Variants in FOXP4 observed in about 807,000 individuals in gnomAD.
The protein encoded by FOXP4 is forkhead box P4.
FOXP4 carries 25 observed loss-of-function variants against 82.6 expected under a neutral mutation model. The observed-to-expected ratio is 0.30, with a 90% CI of 0.22 to 0.42. The LOEUF (loss-of-function observed/expected upper bound fraction) is 0.42. FOXP4 is among the 10% of genes least tolerant of loss of function. The pLI is 1.00. For missense variants in FOXP4, 785 were observed against 900.9 expected, an observed-to-expected ratio of 0.87 and a Z score of 1.65; for synonymous variants, 415 against 388.2, an observed-to-expected ratio of 1.07 and a Z score of -0.81.
At chr6:41,594,553 G>A (rs560778181) in intron 13 of FOXP4, among the ~76,000 whole-genome samples, 19 of 152,238 alleles carry the variant, frequency 1.2e-4, no homozygotes, top group Non-Finnish European at 2.8e-4. Flanking sequence ...TAACGAAGAT[G>A]ATGAAACAGA....
chr6:41,589,791 G>T lies in FOXP4; in HGVS notation c.1086G>T (p.Arg362=). The T allele has an allele frequency of 6.2e-7, 1 of 1,611,118 alleles. No homozygotes were observed. Residue 362 remains arginine (R), a synonymous_variant, in exon 10 of 17, where the codon CGG becomes CGT. Transcript: ENST00000307972. Reference sequence around the variant, plus strand: ...CACAGCTCGCCAAGGAGAGCGAGCGGCTGCAGGCCATGATGGCCCACCTGC... The same window carrying T: ...CACAGCTCGCCAAGGAGAGCGAGCGTCTGCAGGCCATGATGGCCCACCTGC... ...LEIQLAKESE[R]LQAMMAHLHM...
chr6:41,594,872 C>A lies in FOXP4; in HGVS notation c.1539C>A (p.Asn513Lys). ...GCTCCTCTTCACTGCACCCACAGAACGCCGTGCGCCACAACCTCAGCCTGC... is the reference window on the plus strand; with the variant it reads ...GCTCCTCTTCACTGCACCCACAGAAAGCCGTGCGCCACAACCTCAGCCTGC... ...YFRRNTATWK[N>K]AVRHNLSLHK... is the part of the protein sequence containing the mutation. Residue 513 changes from asparagine to lysine, a missense_variant and splice_region_variant, in exon 14 of 17, where the codon AAC becomes AAA. This residue lies in a region of FOXP4 where 31 missense variants were observed against 79.6 expected (regional missense o/e 0.39). Transcript: ENST00000307972. 6.2e-7 allele frequency: 1 copy of A among 1,613,992 alleles called. No individual in the cohort carries two copies. The highest frequency in any genetic ancestry group is 8.5e-7 in the Non-Finnish European group (1 of 1,180,030).
chr6:41,575,399 A>G (rs1212964352), intron 2 of FOXP4, among the ~76,000 whole-genome samples: 1 of 152,092 alleles, frequency 6.6e-6, no homozygotes, highest in African/African-American at 2.4e-5. Flanking sequence ...TACTTCATAG[A>G]TGTGAGAAGA....
intron 1 of FOXP4, among the ~76,000 whole-genome samples, chr6:41,547,852 C>T (rs1216868095): frequency 6.6e-6 from 1 of 151,680 alleles, no homozygotes; most frequent in Non-Finnish European, 1.5e-5. Context: ...GGCGGCGCTT[C>T]AGCCTCGGGC....
rs577831671 is a variant in FOXP4 at position 41,597,667 on chromosome 6, G to A, written c.1726-114G>A. The A allele has an allele frequency of 6.1e-5, 82 of 1,337,868 alleles. No homozygotes were observed. The East Asian group carries it at 1.9e-3, about 31-fold the overall frequency. 82.9% of individuals were successfully genotyped at this position (1,337,868 alleles called of 1,614,324 possible). On this transcript the variant is annotated intron_variant, in intron 15 of 16. Transcript: ENST00000307972. ...TTGCCCAGACAGATCCGCCCGTGGG[G>A]CCAGTAGGCAGACACACAGGCAGCT...
At chr6:41,582,744 G>A (rs1347032274) in intron 3 of FOXP4, among the ~76,000 whole-genome samples, 2 of 152,104 alleles carry the variant, frequency 1.3e-5, no homozygotes, top group South Asian at 2.1e-4. Flanking sequence ...ATCCACCCCT[G>A]CAGCCTGGCT....
chr6:41,583,584 T>G (rs982427997), intron 3 of FOXP4, among the ~76,000 whole-genome samples: 1 of 152,144 alleles, frequency 6.6e-6, no homozygotes, highest in Non-Finnish European at 1.5e-5. Flanking sequence ...TAACACTTAG[T>G]GTACCTACCA....
At chr6:41,552,721 TG>T (rs1189633524) in intron 1 of FOXP4, among the ~76,000 whole-genome samples, 1 of 152,064 alleles carries the variant, frequency 6.6e-6, no homozygotes, top group African/African-American at 2.4e-5. Context: ...GGCCGGCAGC[TG>T]GGGATCCGGA....
rs1766947655 is a variant in FOXP4, at chr6:41,597,832, A to T, written c.1777A>T (p.Asn593Tyr). The change falls in exon 16 of 17, where the codon AAC becomes TAC. Residue 593 changes from asparagine (N) to tyrosine (Y), a missense_variant. Coordinates refer to ENST00000307972, the MANE Select transcript of FOXP4 (RefSeq NM_001012426.2). ...CCTCCTCAACAGCCCTGGCATGCTG[A>T]ACCCTGGCTCCGCCAGCAGCCTGCT... ...FPLLNSPGML[N>Y]PGSASSLLPL... The T allele has an allele frequency of 1.2e-6, 2 of 1,605,898 alleles. No homozygotes were observed. The highest frequency in any genetic ancestry group is 1.7e-6 in the Non-Finnish European group (2 of 1,178,800).
chr6:41,583,230 G>C (rs922273057), intron 3 of FOXP4, among the ~76,000 whole-genome samples: 3 of 152,210 alleles, frequency 2.0e-5, no homozygotes, highest in Non-Finnish European at 4.4e-5. Flanking sequence ...GTGAGCGAGA[G>C]GTGTTGGGAG....
intron 8 of FOXP4, 26 bp from the exon 9 acceptor site, chr6:41,588,618 T>C (rs781259834): frequency 5.0e-6 from 8 of 1,612,990 alleles, no homozygotes; most frequent in Non-Finnish European, 6.8e-6. Context: ...GAGCCAACTT[T>C]CTCTCCTCCT....
chr6:41,585,435 A>G lies in FOXP4; in HGVS notation c.428A>G (p.Gln143Arg). The G allele has an allele frequency of 6.2e-7, 1 of 1,613,726 alleles. No individual in the cohort carries two copies. The highest frequency in any genetic ancestry group is 8.5e-7 in the Non-Finnish European group (1 of 1,179,830). ...AACCCTCCTCCACCCCCCCAGCTAC[A>G]GGAGTACTACAAGAAGCAGCAGGAG... ...QQQALMLQQL[Q>R]EYYKKQQEQL... Residue 143 changes from glutamine to arginine, a missense_variant, in exon 5 of 17, where the codon CAG (glutamine) becomes CGG (arginine). By Grantham distance (43) the Gln-to-Arg change is conservative (BLOSUM62 1). This residue lies in a region of FOXP4 where 570 missense variants were observed against 634.0 expected (regional missense o/e 0.90). Transcript: ENST00000307972.
intron 1 of FOXP4, among the ~76,000 whole-genome samples, chr6:41,565,202 C>T (rs1764803941): frequency 6.6e-6 from 1 of 151,896 alleles, no homozygotes; most frequent in Admixed American, 6.6e-5. Flanking sequence ...AAAATACACA[C>T]ACAAAAATTT....
rs571274993 is a variant in FOXP4 at position 41,555,466 on chromosome 6, G to A, written c.-17+8599G>A. Among the ~76,000 whole-genome samples the A allele has an allele frequency of 3.3e-5, 5 of 152,292 alleles. No individual in the cohort carries two copies. The South Asian group carries it at 8.3e-4, about 25-fold the overall frequency. On this transcript the variant is annotated intron_variant, in intron 1 of 16. Transcript: ENST00000307972. Reference sequence around the variant, plus strand: ...GAGGGGCCAAGGCATGTCGGGGCAGGCTGGGCAGAACAGCCAGGGGCCCAG... The same window carrying A: ...GAGGGGCCAAGGCATGTCGGGGCAGACTGGGCAGAACAGCCAGGGGCCCAG...
In FOXP4 at chr6:41,565,732, C is replaced by G; in HGVS notation, c.-16-13C>G. On this transcript the variant is annotated splice_polypyrimidine_tract_variant and intron_variant, in intron 1 of 16. Coordinates refer to ENST00000307972, the MANE Select transcript of FOXP4 (RefSeq NM_001012426.2). ...GCCTCAGCCTCTCCCCTGTGTCTCT[C>G]TTCCTCCTCCAGGTACCGCTAGAGC... 6.4e-7 allele frequency: 1 copy of G among 1,567,038 alleles called. No homozygotes were observed. Among genetic ancestry groups the G allele is most frequent in the Non-Finnish European group, 8.7e-7 (1 of 1,150,958 alleles).
rs940769176 is a variant in FOXP4 at position 41,600,863 on chromosome 6, C to G, written c.*1927C>G. The G allele has an allele frequency of 2.0e-5, 3 of 152,368 alleles. No individual in the cohort carries two copies. In the South Asian group the frequency reaches 6.2e-4, roughly 32 times the overall value. 9.4% of individuals were successfully genotyped at this position (152,368 alleles called of 1,614,324 possible). A position where few individuals can be genotyped will look rare whatever the true frequency, so the allele number is the denominator to read the frequency against. ...GTCCCTTCCACGCTTAAACAGGGTT[C>G]TCTGTCATTTTCCTGTTTTCTTCCA... On this transcript the variant is annotated 3_prime_UTR_variant, in exon 17 of 17. Coordinates refer to ENST00000307972, the MANE Select transcript of FOXP4 (RefSeq NM_001012426.2).
At chr6:41,577,613 A>G (rs1372284014) in intron 2 of FOXP4, among the ~76,000 whole-genome samples, 3 of 152,174 alleles carry the variant, frequency 2.0e-5, no homozygotes, top group Admixed American at 2.0e-4. Context: ...TCTTGCCTGT[A>G]CAGTGCCTGA....
rs553615996 is a variant in FOXP4, at chr6:41,554,343, C to T, written c.-17+7476C>T. 3.3e-5 allele frequency among the ~76,000 whole-genome samples: 5 copies of T among 152,338 alleles called. No individual in the cohort carries two copies. The South Asian group carries it at 1.0e-3, about 32-fold the overall frequency. On this transcript the variant is annotated intron_variant, in intron 1 of 16. Transcript: ENST00000307972. ...TCACATAAATATCCCCACTTCTGCTCCTTTTGAAAAACCCAAGCCCTGTCA... is the reference window on the plus strand; with the variant it reads ...TCACATAAATATCCCCACTTCTGCTTCTTTTGAAAAACCCAAGCCCTGTCA...
intron 2 of FOXP4, chr6:41,570,451 G>A (rs936082225): frequency 2.1e-6 from 1 of 466,156 alleles, no homozygotes; most frequent in African/African-American, 2.0e-5. Flanking sequence ...GGCTGGGAGA[G>A]GGCCTTAACC....
Sources: allele counts gnomAD v4.1 joint callset (sites outside exome capture counted in the v4.1 genomes callset), GRCh38; gene constraint gnomAD v4.1.1; regional missense constraint gnomAD v4.1.1; transcripts MANE v1.5; gene names NCBI Gene and HGNC (gene_info 2026-07-23, HGNC 2026-07-21).